The following B4GALNT1 variants were observed in gnomAD, a reference collection of about 807,000 sequenced individuals.
B4GALNT1 encodes the protein beta-1,4-N-acetyl-galactosaminyltransferase 1.
A neutral mutation model predicts 55.2 loss-of-function variants in B4GALNT1; 43 were observed. The ratio of observed to expected loss-of-function variants is 0.78; its 90% CI spans 0.61 to 1.00. The LOEUF (loss-of-function observed/expected upper bound fraction) is 1.00. B4GALNT1 is among the 50% of genes least tolerant of loss of function. The pLI, the probability that B4GALNT1 is intolerant of heterozygous loss-of-function variation, is 0.00. For missense variants in B4GALNT1, 664 were observed against 729.7 expected (o/e 0.91, Z 1.04); for synonymous variants, 305 against 311.6 (o/e 0.98, Z 0.22).
At position 57,626,562 on chromosome 12, in the gene B4GALNT1, A is replaced by C; in HGVS notation, c.*182T>G. Reference sequence around the variant, plus strand: ...CTCCACCAGGCCTCTGGGCACTGGAAAAAGGAGGGGTGTCACCAGGACAAC... The same window carrying C: ...CTCCACCAGGCCTCTGGGCACTGGACAAAGGAGGGGTGTCACCAGGACAAC... On this transcript the variant is annotated 3_prime_UTR_variant, in exon 11 of 11. Transcript: ENST00000341156. The C allele has an allele frequency of 1.5e-6, 1 of 680,886 alleles. No individual in the cohort carries two copies. The highest frequency in any genetic ancestry group is 1.8e-5 in the South Asian group (1 of 54,594). The allele number at this position is 680,886 out of a possible 1,614,324, so 42.2% of individuals were successfully genotyped here. A position where few individuals can be genotyped will look rare whatever the true frequency, so the allele number is the denominator to read the frequency against.
chr12:57,623,827 T>C lies in B4GALNT1; in HGVS notation c.*2917A>G, dbSNP rs150360114. 804 of 1,613,000 alleles carry C rather than the reference T, an allele frequency of 5.0e-4. 1 individual carries two copies. Among genetic ancestry groups the C allele is most frequent in the Non-Finnish European group, 6.2e-4 (732 of 1,179,726 alleles). On this transcript the variant is annotated 3_prime_UTR_variant, in exon 11 of 11. Coordinates refer to ENST00000341156, the MANE Select transcript of B4GALNT1 (RefSeq NM_001478.5). ...TTCCTTTTTTGCTCCTGTTCCTCCTTTTCTCTAGCTGGCAGGCCTCTTCTC... is the reference window on the plus strand; with the variant it reads ...TTCCTTTTTTGCTCCTGTTCCTCCTCTTCTCTAGCTGGCAGGCCTCTTCTC...
chr12:57,631,083 G>C lies in B4GALNT1; in HGVS notation c.387C>G (p.Ser129Arg). 1 of 1,611,132 alleles carries C rather than the reference G, an allele frequency of 6.2e-7. No individual in the cohort carries two copies. Among genetic ancestry groups the C allele is most frequent in the Non-Finnish European group, 8.5e-7 (1 of 1,178,704 alleles). Reference sequence around the variant, plus strand: ...TGAGCAGCTGGTCAGCTGGGGACTGGCTCCTGGCAGTGGAGGAAGGAGAGG... The same window carrying C: ...TGAGCAGCTGGTCAGCTGGGGACTGCCTCCTGGCAGTGGAGGAAGGAGAGG... ...EQEFQAFLSR[S>R]QSPADQLLIA... The change falls in exon 4 of 11, where the codon AGC becomes AGG. Residue 129 changes from serine (S) to arginine (R), a missense_variant. Transcript: ENST00000341156.
chr12:57,623,495 T>C lies in B4GALNT1; in HGVS notation c.*3249A>G, dbSNP rs1884593714. The C allele has an allele frequency of 4.6e-6, 2 of 430,404 alleles. No individual in the cohort carries two copies. Among genetic ancestry groups the C allele is most frequent in the Non-Finnish European group, 8.2e-6 (2 of 242,604 alleles). 26.7% of individuals were successfully genotyped at this position (430,404 alleles called of 1,614,324 possible). A position where few individuals can be genotyped will look rare whatever the true frequency, so the allele number is the denominator to read the frequency against. The stretch of plus-strand genomic sequence containing the variant: ...ATCACATATCAAAGTCTCCCCCTAA[T>C]ATTTTTGGTTTCCCTTACTTTGCTG... On this transcript the variant is annotated 3_prime_UTR_variant, in exon 11 of 11. Transcript: ENST00000341156.
At chr12:57,631,829 G>C (rs890588390) in intron 2 of B4GALNT1, 86 bp downstream of exon 2, 1 of 1,234,892 alleles carries the variant, frequency 8.1e-7, no homozygotes, top group Non-Finnish European at 1.1e-6. Flanking sequence ...GAGAATGCAG[G>C]CATCTGAGCC....
In B4GALNT1 at chr12:57,623,924, G is replaced by A; in HGVS notation, c.*2820C>T. The A allele has an allele frequency of 1.9e-6, 3 of 1,614,032 alleles. No homozygotes were observed. In the South Asian group the frequency reaches 3.3e-5, roughly 18 times the overall value. On this transcript the variant is annotated 3_prime_UTR_variant, in exon 11 of 11. Transcript: ENST00000341156. ...TACTATCTGCCCAAGGTAATGAGCA[G>A]AGGAGGCATGAGCATGGCTGGGAGG... is the stretch of plus-strand genomic sequence containing the variant.
chr12:57,628,928 G>A, intron 7 of B4GALNT1, 25 bp from the exon 8 acceptor site: 1 of 1,613,868 alleles, frequency 6.2e-7, no homozygotes, highest in Non-Finnish European at 8.5e-7. Context: ...ACAGGGTTGG[G>A]TGCAGACAAG....
rs577854419 is a variant in B4GALNT1 at position 57,632,040 on chromosome 12, G to A, written c.93C>T (p.Pro31=). ...GLLYASTRDA[P]GLRLPLAPWA... is the part of the protein sequence containing the mutation. Reference sequence around the variant, plus strand: ...ACGGCGCAAGAGGTAGCCGGAGGCCGGGCGCGTCCCGGGTGCTCGCGTACA... The same window carrying A: ...ACGGCGCAAGAGGTAGCCGGAGGCCAGGCGCGTCCCGGGTGCTCGCGTACA... The change falls in exon 2 of 11, where the codon CCC becomes CCT. Residue 31 remains proline (P), a synonymous_variant. Transcript: ENST00000341156. 1.4e-5 allele frequency: 20 copies of A among 1,443,502 alleles called. No individual in the cohort carries two copies. Among genetic ancestry groups the A allele is most frequent in the African/African-American group, 4.4e-5 (3 of 68,908 alleles). The allele number at this position is 1,443,502 out of a possible 1,614,324, so 89.4% of individuals were successfully genotyped here.
chr12:57,631,066 T>G lies in B4GALNT1; in HGVS notation c.404A>C (p.Gln135Pro). The change falls in exon 4 of 11, where the codon CAG becomes CCG. Residue 135 changes from glutamine to proline, a missense_variant. Coordinates refer to ENST00000341156, the MANE Select transcript of B4GALNT1 (RefSeq NM_001478.5). ...GGAGTTGGCAGGGGCTATGAGCAGC[T>G]GGTCAGCTGGGGACTGGCTCCTGGC... The part of the protein sequence containing the change: ...FLSRSQSPAD[Q>P]LLIAPANSPL... 3 of 1,612,236 alleles carry G rather than the reference T, an allele frequency of 1.9e-6. No homozygotes were observed. Among genetic ancestry groups the G allele is most frequent in the Non-Finnish European group, 2.5e-6 (3 of 1,179,220 alleles).
intron 6 of B4GALNT1, chr12:57,629,419 A>G: frequency 2.8e-6 from 1 of 359,342 alleles, no homozygotes; most frequent in Non-Finnish European, 5.0e-6. Flanking sequence ...TTTTATCCCC[A>G]TGATAGCCCT....
intron 1 of B4GALNT1, 43 bp from the exon 2 acceptor site, chr12:57,632,176 G>A: frequency 2.0e-6 from 3 of 1,497,908 alleles, no homozygotes; most frequent in Non-Finnish European, 2.7e-6. Flanking sequence ...GAGGGAAGAA[G>A]GGAGGGCAAG....
Position 57,629,139 on chromosome 12 carries a change from G to C in B4GALNT1, c.720C>G (p.Phe240Leu). 6.3e-7 allele frequency: 1 copy of C among 1,590,194 alleles called. No homozygotes were observed. The highest frequency in any genetic ancestry group is 8.6e-7 in the Non-Finnish European group (1 of 1,164,294). The change falls in exon 7 of 11, where the codon TTC becomes TTG. Residue 240 changes from phenylalanine to leucine, a missense_variant. Transcript: ENST00000341156. Reference sequence around the variant, plus strand: ...AAGCAGCCTCATGTCCCTCGGTGGAGAACCGGACTGGGAAGAAAGGACATG... The same window carrying C: ...AAGCAGCCTCATGTCCCTCGGTGGACAACCGGACTGGGAAGAAAGGACATG... Reference protein sequence around the residue: ...YQTNTADTVRFSTEGHEAAFT... With the variant: ...YQTNTADTVRLSTEGHEAAFT...
intron 2 of B4GALNT1, 108 bp from the exon 3 acceptor site, chr12:57,631,472 C>G: frequency 7.7e-7 from 1 of 1,292,152 alleles, no homozygotes; most frequent in African/African-American, 1.5e-5. Context: ...TTCTGTCTGT[C>G]TAGGCTCTGT....
At chr12:57,628,424 C>A in intron 8 of B4GALNT1, 162 bp from the exon 9 acceptor site, 1 of 1,092,256 alleles carries the variant, frequency 9.2e-7, no homozygotes. Context: ...CAGATCCCCA[C>A]AGAGGTTCCA....
chr12:57,629,284 T>C, intron 6 of B4GALNT1, 138 bp from the exon 7 acceptor site: 2 of 643,434 alleles, frequency 3.1e-6, no homozygotes, highest in Non-Finnish European at 2.5e-6. Context: ...CTTACCTTTA[T>C]GGAACTTACA....
Position 57,624,095 on chromosome 12 carries a change from C to T in B4GALNT1, c.*2649G>A. The T allele has an allele frequency of 6.2e-7, 1 of 1,613,912 alleles. No homozygotes were observed. The highest frequency in any genetic ancestry group is 8.5e-7 in the Non-Finnish European group (1 of 1,179,920). ...AACTATGGCACATCAGCCGAGTGGA[C>T]TTTGTGAGAAATGCCATTACCCCCA... On this transcript the variant is annotated 3_prime_UTR_variant, in exon 11 of 11. Transcript: ENST00000341156.
rs1262924442 is a variant in B4GALNT1 at position 57,627,611 on chromosome 12, C to T, written c.1384+7G>A. ...GCCAGGGTCGACCGGGAGGGGGTGC[C>T]ACTCACCCAGATGAGCCACGCGGCT... On this transcript the variant is annotated splice_region_variant and intron_variant, in intron 10 of 10. Transcript: ENST00000341156. 22 of 1,580,068 alleles carry T rather than the reference C, an allele frequency of 1.4e-5. No individual in the cohort carries two copies. The highest frequency in any genetic ancestry group is 5.2e-6 in the Non-Finnish European group (6 of 1,157,944).
chr12:57,629,604 G>T (rs544408140), intron 6 of B4GALNT1: 1 of 532,712 alleles, frequency 1.9e-6, no homozygotes, highest in Admixed American at 3.8e-5. Context: ...AGACAAACAA[G>T]TAATGTGATA....
At position 57,629,158 on chromosome 12, in the gene B4GALNT1, G is replaced by A. The variant is rs372274327; in HGVS notation, c.713-12C>T. ...GGTGGAGAACCGGACTGGGAAGAAAGGACATGGCATTTGACCCTGAAGGGT... is the reference window on the plus strand; with the variant it reads ...GGTGGAGAACCGGACTGGGAAGAAAAGACATGGCATTTGACCCTGAAGGGT... On this transcript the variant is annotated splice_polypyrimidine_tract_variant and intron_variant, in intron 6 of 10. Coordinates refer to ENST00000341156, the MANE Select transcript of B4GALNT1 (RefSeq NM_001478.5). 4 of 1,566,786 alleles carry A rather than the reference G, an allele frequency of 2.6e-6. No homozygotes were observed. The highest frequency in any genetic ancestry group is 1.9e-5 in the Admixed American group (1 of 53,796).
Position 57,631,923 on chromosome 12 carries a change from T to C in B4GALNT1, c.210A>G (p.Gln70=). The part of the protein sequence containing the change: ...YAHIPVRIKE[Q]VVGLLAWNNC... Reference sequence around the variant, plus strand: ...CCGCGGTCGGCACTCACCCCACTACTTGCTCCTTGATCCTGACCGGGATGT... The same window carrying C: ...CCGCGGTCGGCACTCACCCCACTACCTGCTCCTTGATCCTGACCGGGATGT... Residue 70 remains glutamine (Q), a synonymous_variant, in exon 2 of 11, where the codon CAA becomes CAG. Transcript: ENST00000341156. 7.0e-7 allele frequency: 1 copy of C among 1,422,936 alleles called. No individual in the cohort carries two copies. Among genetic ancestry groups the C allele is most frequent in the Admixed American group, 3.0e-5 (1 of 33,420 alleles). 88.1% of individuals were successfully genotyped at this position (1,422,936 alleles called of 1,614,324 possible). A position where few individuals can be genotyped will look rare whatever the true frequency, so the allele number is the denominator to read the frequency against.
Sources: gnomAD v4.1 joint callset for allele counts on GRCh38, gnomAD v4.1.1 for gene constraint, MANE v1.5 for transcripts, NCBI Gene and HGNC (gene_info 2026-07-23, HGNC 2026-07-21) for gene names.